The following ARL15 variants were observed in gnomAD, a reference collection of about 807,000 sequenced individuals.
The protein encoded by ARL15 is ADP-ribosylation factor-like protein 15.
A neutral mutation model predicts 25.2 loss-of-function variants in ARL15; 19 were observed. That is an observed-to-expected ratio of 0.75 (90% CI 0.53 to 1.10). The LOEUF is 1.10. Ranked by LOEUF, ARL15 falls within the 50% of genes least tolerant of loss-of-function variation. ARL15 has a pLI of 0.00. For synonymous variants in ARL15, 94 were observed against 86.8 expected, an observed-to-expected ratio of 1.08 and a Z score of -0.46; for missense variants, 220 against 246.0, an observed-to-expected ratio of 0.89 and a Z score of 0.71.
chr5:54,303,345 A>C (rs1397843580), intron 1 of ARL15, among the ~76,000 whole-genome samples: 2 of 152,078 alleles, frequency 1.3e-5, no homozygotes, highest in Non-Finnish European at 2.9e-5. Flanking sequence ...AACATGGTGA[A>C]ACCCCGTCTC....
At chr5:54,126,615 T>C (rs941034391) in intron 3 of ARL15, among the ~76,000 whole-genome samples, 1 of 152,182 alleles carries the variant, frequency 6.6e-6, no homozygotes, top group Non-Finnish European at 1.5e-5. Flanking sequence ...TAGGGCCTAA[T>C]AGAAGTTGCT....
intron 4 of ARL15, among the ~76,000 whole-genome samples, chr5:54,018,094 T>A (rs1030853584): frequency 1.3e-5 from 2 of 152,180 alleles, no homozygotes; most frequent in Admixed American, 6.5e-5. Flanking sequence ...TTCATCATAG[T>A]TTTTAAAAAA....
intron 1 of ARL15, among the ~76,000 whole-genome samples, chr5:54,295,219 A>C (rs1429903682): frequency 6.6e-6 from 1 of 152,242 alleles, no homozygotes; most frequent in Admixed American, 6.5e-5. Flanking sequence ...TTTCACGTGA[A>C]TATTAAGTAC....
chr5:53,895,331 G>C (rs1193666878), intron 4 of ARL15, among the ~76,000 whole-genome samples: 1 of 152,184 alleles, frequency 6.6e-6, no homozygotes, highest in Non-Finnish European at 1.5e-5. Flanking sequence ...TTGAACTGTA[G>C]TCAAGCAGGC....
At chr5:54,059,681 A>G (rs1751003516) in intron 4 of ARL15, among the ~76,000 whole-genome samples, 1 of 152,210 alleles carries the variant, frequency 6.6e-6, no homozygotes, top group South Asian at 2.1e-4. Context: ...ATTAAAGGAC[A>G]CTTTGCTTGA....
intron 1 of ARL15, among the ~76,000 whole-genome samples, chr5:54,278,176 G>A (rs6884123): frequency 0.67 from 101,301 of 151,680 alleles, 34,743 homozygotes; most frequent in Non-Finnish European, 0.75. Context: ...CCCAACGCAG[G>A]GAAGTCTCAG....
At chr5:54,150,733 G>A (rs889852930) in intron 3 of ARL15, among the ~76,000 whole-genome samples, 1 of 152,048 alleles carries the variant, frequency 6.6e-6, no homozygotes, top group African/African-American at 2.4e-5. Context: ...ATGAGGCAGA[G>A]GTTGCAGTGA....
At chr5:54,283,066 T>A (rs1472722338) in intron 1 of ARL15, among the ~76,000 whole-genome samples, 1 of 152,254 alleles carries the variant, frequency 6.6e-6, no homozygotes, top group Non-Finnish European at 1.5e-5. Context: ...TGGTTTATTG[T>A]TGACAAGTTA....
intron 4 of ARL15, among the ~76,000 whole-genome samples, chr5:53,946,820 C>T (rs1746751465): frequency 6.6e-6 from 1 of 152,142 alleles, no homozygotes. Flanking sequence ...GGAATCTCCT[C>T]AGACACAGAA....
chr5:54,078,352 ACT>A (rs575194930), intron 4 of ARL15, among the ~76,000 whole-genome samples: 21 of 152,126 alleles, frequency 1.4e-4, no homozygotes, highest in Non-Finnish European at 2.8e-4. Flanking sequence ...GCAGTACCAC[ACT>A]CTCTGTATAT....
chr5:54,163,356 C>CTTTTTTTTTTTTTTTTTTTTTTTTTT (rs869196680), intron 2 of ARL15, among the ~76,000 whole-genome samples: 4 of 55,650 alleles, frequency 7.2e-5, no homozygotes, highest in African/African-American at 1.3e-4. Flanking sequence ...TGGTATGAAG[C>CTTTTTTTTTTTTTTTTTTTTTTTTTT]TTTTTTTTTT....
Position 54,172,288 on chromosome 5 carries a change from G to A in ARL15, c.49-360C>T, listed in dbSNP as rs1014486829. Among the ~76,000 whole-genome samples, 3 of 152,176 alleles carry A rather than the reference G, an allele frequency of 2.0e-5. No individual in the cohort carries two copies. The South Asian group carries it at 6.2e-4, about 32-fold the overall frequency. ...TAAGGAGTATTCCATAAGGCAACTG[G>A]CCTGTTCTCCTCCAAAATATCAATG... On this transcript the variant is annotated intron_variant, in intron 1 of 4. Coordinates refer to ENST00000504924, the MANE Select transcript of ARL15 (RefSeq NM_019087.3).
chr5:54,214,584 CCTCA>C (rs1756129539), intron 1 of ARL15, among the ~76,000 whole-genome samples: 1 of 152,042 alleles, frequency 6.6e-6, no homozygotes, highest in African/African-American at 2.4e-5. Flanking sequence ...TGAGATGCAC[CCTCA>C]CTACTAAGCC....
chr5:54,216,170 T>C (rs1273050115), intron 1 of ARL15, among the ~76,000 whole-genome samples: 1 of 152,214 alleles, frequency 6.6e-6, no homozygotes, highest in Non-Finnish European at 1.5e-5. Context: ...AATACTAGTC[T>C]CTAGAATTTC....
intron 4 of ARL15, among the ~76,000 whole-genome samples, chr5:53,947,212 G>GTGTGTA (rs1746778036): frequency 8.1e-6 from 1 of 123,052 alleles, no homozygotes; most frequent in Non-Finnish European, 1.8e-5. Flanking sequence ...GTGTGTGTGT[G>GTGTGTA]TGTGTGTGTT....
chr5:54,259,111 C>A (rs953893256), intron 1 of ARL15, among the ~76,000 whole-genome samples: 2 of 152,102 alleles, frequency 1.3e-5, no homozygotes, highest in African/African-American at 2.4e-5. Flanking sequence ...ATAGGGTGCA[C>A]CTATGATCAT....
intron 3 of ARL15, among the ~76,000 whole-genome samples, chr5:54,114,265 G>A (rs1752826158): frequency 1.3e-5 from 2 of 151,784 alleles, no homozygotes; most frequent in Non-Finnish European, 1.5e-5. Flanking sequence ...GGGCGTGGCG[G>A]CGGGTGCCTG....
At chr5:54,088,431 A>C (rs1165815421) in intron 4 of ARL15, among the ~76,000 whole-genome samples, 1 of 152,236 alleles carries the variant, frequency 6.6e-6, no homozygotes, top group East Asian at 1.9e-4. Flanking sequence ...ATAGTACTTT[A>C]AAACAAAACT....
At chr5:54,165,916 G>C (rs1010272791) in intron 2 of ARL15, among the ~76,000 whole-genome samples, 2 of 151,976 alleles carry the variant, frequency 1.3e-5, no homozygotes, top group African/African-American at 2.4e-5. Flanking sequence ...TTGTTCCAGG[G>C]AGGCAAGTCT....
Sources: gnomAD v4.1 joint callset for allele counts (sites outside exome capture counted in the v4.1 genomes callset) on GRCh38, gnomAD v4.1.1 for gene constraint, MANE v1.5 for transcripts, NCBI Gene and HGNC (gene_info 2026-07-23, HGNC 2026-07-21) for gene names.